The following FAM167A variants were observed in gnomAD, a reference collection of about 807,000 sequenced individuals.
FAM167A encodes the protein protein FAM167A.
FAM167A carries 23 observed loss-of-function variants against 14.9 expected under a neutral mutation model. That is an observed-to-expected ratio of 1.55 (90% CI 1.11 to 2.19). The LOEUF is 2.19. Among genes scored for constraint, FAM167A ranks in the 30% most tolerant of loss-of-function variants. FAM167A has a pLI of 0.00. For synonymous variants in FAM167A, 174 were observed against 117.7 expected (o/e 1.48, Z -3.10); for missense variants, 401 against 281.5 (o/e 1.42, Z -3.04).
upstream of FAM167A, among the ~76,000 whole-genome samples, chr8:11,471,514 G>A (rs150375658): frequency 3.1e-3 from 477 of 152,274 alleles, no homozygotes; most frequent in Middle Eastern, 0.01. Context: ...AGGGGACCAC[G>A]AGTCAGGCAG....
chr8:11,425,069 T>C (rs1805040930), intron 2 of FAM167A, among the ~76,000 whole-genome samples: 1 of 152,222 alleles, frequency 6.6e-6, no homozygotes, highest in Non-Finnish European at 1.5e-5. Context: ...GTGATGGCCA[T>C]GTTTTCTTTC....
chr8:11,460,318 G>C (rs1318790414), intron 1 of FAM167A, among the ~76,000 whole-genome samples: 1 of 152,332 alleles, frequency 6.6e-6, no homozygotes, highest in East Asian at 1.9e-4. Flanking sequence ...AGAGAAAAGA[G>C]TTCCCGACCT....
intron 2 of FAM167A, among the ~76,000 whole-genome samples, chr8:11,429,082 C>T (rs1009658408): frequency 2.3e-4 from 35 of 152,082 alleles, no homozygotes; most frequent in Admixed American, 1.1e-3. Flanking sequence ...CTCTTTTTAT[C>T]GTTCTAAACA....
chr8:11,434,378 C>T (rs377598593), intron 2 of FAM167A, among the ~76,000 whole-genome samples: 3 of 152,294 alleles, frequency 2.0e-5, no homozygotes, highest in Admixed American at 6.5e-5. Flanking sequence ...GCAATGGCTC[C>T]TGTCACTGGG....
chr8:11,451,583 T>C lies in FAM167A; in HGVS notation c.-397-6775A>G, dbSNP rs892140443. 2.6e-5 allele frequency among the ~76,000 whole-genome samples: 4 copies of C among 152,238 alleles called. No individual in the cohort carries two copies. In the South Asian group the frequency reaches 8.3e-4, roughly 32 times the overall value. On this transcript the variant is annotated intron_variant, in intron 1 of 2. Coordinates refer to ENST00000284486, the MANE Select transcript of FAM167A (RefSeq NM_053279.3). ...TTTGTGCAGAACAGCAGGCAGGCCG[T>C]GCAGCCTTCTCTGCAACCAGAGGAC...
rs982570646 is a variant in FAM167A, at chr8:11,444,600, C to G, written c.-189G>C. Reference sequence around the variant, plus strand: ...GAGAGGGACCGCGCAGTGAGCCGCACAGGGCGCCCTCCTGGAGGCTCGGGT... The same window carrying G: ...GAGAGGGACCGCGCAGTGAGCCGCAGAGGGCGCCCTCCTGGAGGCTCGGGT... On this transcript the variant is annotated 5_prime_UTR_variant, in exon 2 of 3. Coordinates refer to ENST00000284486, the MANE Select transcript of FAM167A (RefSeq NM_053279.3). 78 of 1,402,648 alleles carry G rather than the reference C, an allele frequency of 5.6e-5. 1 individual carries two copies. The Middle Eastern group carries it at 3.7e-3, about 66-fold the overall frequency. 86.9% of individuals were successfully genotyped at this position (1,402,648 alleles called of 1,614,324 possible).
At chr8:11,463,706 G>T (rs2117153389) in intron 1 of FAM167A, among the ~76,000 whole-genome samples, 2 of 152,336 alleles carry the variant, frequency 1.3e-5, no homozygotes, top group African/African-American at 4.8e-5. Context: ...GGATCAGGAT[G>T]CCCTGGAGGG....
At chr8:11,445,402 C>G in intron 1 of FAM167A, 1 of 985,674 alleles carries the variant, frequency 1.0e-6, no homozygotes. Flanking sequence ...GCTTCTTCCT[C>G]CAAGAACAAC....
intron 2 of FAM167A, among the ~76,000 whole-genome samples, chr8:11,426,793 T>C (rs1330731110): frequency 6.6e-6 from 1 of 152,168 alleles, no homozygotes; most frequent in Non-Finnish European, 1.5e-5. Context: ...CATGTTTGTT[T>C]AGGGTAGAGG....
intron 1 of FAM167A, among the ~76,000 whole-genome samples, chr8:11,456,097 GC>G (rs1807270906): frequency 2.2e-5 from 3 of 138,802 alleles, no homozygotes; most frequent in East Asian, 2.3e-4. Flanking sequence ...TGGTTGCCTT[GC>G]TGTGTGTGTG....
chr8:11,433,217 AAAAT>A, intron 2 of FAM167A, among the ~76,000 whole-genome samples: 1 of 152,132 alleles, frequency 6.6e-6, no homozygotes, highest in South Asian at 2.1e-4. Flanking sequence ...AAAAAAATAA[AAAAT>A]AAAAAAGAAC....
chr8:11,475,215 G>A (rs1403973452), intron 1 of FAM167A, among the ~76,000 whole-genome samples: 1 of 152,088 alleles, frequency 6.6e-6, no homozygotes, highest in Non-Finnish European at 1.5e-5. Flanking sequence ...CTTTTCCTCT[G>A]GGACCCCCTC....
intron 2 of FAM167A, 83 bp downstream of exon 2, chr8:11,443,948 G>C: frequency 6.1e-6 from 9 of 1,482,620 alleles, no homozygotes; most frequent in Non-Finnish European, 7.3e-6. Context: ...GGGGTGGGGA[G>C]ACAGACAGAG....
chr8:11,471,858 G>C (rs111730019), upstream of FAM167A, among the ~76,000 whole-genome samples: 1,828 of 152,238 alleles, frequency 0.012, 34 homozygotes, highest in African/African-American at 0.042. Context: ...TTGGATGAAG[G>C]CTGCGCTCTC....
intron 2 of FAM167A, among the ~76,000 whole-genome samples, chr8:11,441,852 C>T (rs1806458764): frequency 6.6e-6 from 1 of 152,180 alleles, no homozygotes; most frequent in Non-Finnish European, 1.5e-5. Context: ...CTGTTGCCTG[C>T]TGACATTTTT....
At chr8:11,454,561 G>A (rs1479969877) in intron 1 of FAM167A, among the ~76,000 whole-genome samples, 2 of 152,196 alleles carry the variant, frequency 1.3e-5, no homozygotes, top group Non-Finnish European at 2.9e-5. Flanking sequence ...CACAGCCAAG[G>A]GAGTGCAGAG....
At position 11,422,373 on chromosome 8, in the gene FAM167A, GGTGT is replaced by G. The variant is rs57215593; in HGVS notation, c.*1996_*1999del. ...TCTCTGTCGTGTGTGTGTGTGTGGG[GGTGT>G]GTGTGTGTGTGTGTGTGTGTGTGTG... On this transcript the variant is annotated 3_prime_UTR_variant, in exon 3 of 3. Transcript: ENST00000284486. 0.057 allele frequency: 6,800 copies of G among 120,180 alleles called. 452 individuals carry two copies. Among genetic ancestry groups the G allele is most frequent in the African/African-American group, 0.19 (5,906 of 30,360 alleles). The allele number at this position is 120,180 out of a possible 1,614,324, so 7.4% of individuals were successfully genotyped here.
At chr8:11,442,699 C>A (rs1032877719) in intron 2 of FAM167A, among the ~76,000 whole-genome samples, 3 of 152,032 alleles carry the variant, frequency 2.0e-5, no homozygotes, top group South Asian at 2.1e-4. Flanking sequence ...TTATACCCCC[C>A]ACCAAGAGCA....
chr8:11,433,499 A>G (rs1805763690), intron 2 of FAM167A, among the ~76,000 whole-genome samples: 1 of 152,180 alleles, frequency 6.6e-6, no homozygotes, highest in South Asian at 2.1e-4. Flanking sequence ...AAGGGCTGTG[A>G]TGGCAGCAAA....
Sources: gnomAD v4.1 joint callset for allele counts (sites outside exome capture counted in the v4.1 genomes callset) on GRCh38, gnomAD v4.1.1 for gene constraint, MANE v1.5 for transcripts, NCBI Gene and HGNC (gene_info 2026-07-23, HGNC 2026-07-21) for gene names.